STIM1: variants seen among roughly 807,000 people sequenced by gnomAD.
STIM1 encodes the protein stromal interaction molecule 1.
A neutral mutation model predicts 74.7 loss-of-function variants in STIM1; 25 were observed. The observed-to-expected ratio is 0.33, with a 90% confidence interval of 0.24 to 0.47. The LOEUF is 0.47. Ranked by LOEUF, STIM1 falls within the 20% of genes least tolerant of loss-of-function variation. STIM1 has a pLI of 1.00. For synonymous variants in STIM1, 328 were observed against 348.8 expected, an observed-to-expected ratio of 0.94 and a Z score of 0.66; for missense variants, 728 against 920.8, an observed-to-expected ratio of 0.79 and a Z score of 2.71.
In STIM1 at chr11:4,082,162, TCA is replaced by T; in HGVS notation, c.970-19_970-18del. 6.2e-7 allele frequency: 1 copy of T among 1,613,896 alleles called. No homozygotes were observed. Among genetic ancestry groups the T allele is most frequent in the Non-Finnish European group, 8.5e-7 (1 of 1,179,908 alleles). ...AGAGTCTTAGTAGCAGTAAATGAAC[TCA>T]CATCCTTTTGGCTGCCTAGGTTCGG... is the stretch of plus-strand genomic sequence containing the variant. On this transcript the variant is annotated intron_variant, in intron 7 of 12. Transcript: ENST00000526596.
At chr11:4,032,019 T>C (rs2094054681) in intron 3 of STIM1, among the ~76,000 whole-genome samples, 1 of 152,260 alleles carries the variant, frequency 6.6e-6, no homozygotes, top group African/African-American at 2.4e-5. Context: ...TACATTTAGG[T>C]CTATAATTCA....
At chr11:3,921,076 G>A (rs561719566) in intron 1 of STIM1, among the ~76,000 whole-genome samples, 10 of 152,234 alleles carry the variant, frequency 6.6e-5, no homozygotes, top group African/African-American at 2.2e-4. Flanking sequence ...GATTACAGAC[G>A]TGAGCCACTG....
At chr11:4,066,792 A>G (rs916268125) in intron 5 of STIM1, among the ~76,000 whole-genome samples, 6 of 152,238 alleles carry the variant, frequency 3.9e-5, no homozygotes, top group Non-Finnish European at 8.8e-5. Context: ...AGGAGATGGA[A>G]TGGAAGGCTT....
intron 1 of STIM1, among the ~76,000 whole-genome samples, chr11:3,923,124 C>T (rs1211359876): frequency 6.6e-6 from 1 of 150,884 alleles, no homozygotes; most frequent in African/African-American, 2.4e-5. Flanking sequence ...AACAAACACT[C>T]TTTGCCTATT....
At chr11:3,969,288 T>C (rs1467221091) in intron 2 of STIM1, among the ~76,000 whole-genome samples, 1 of 151,238 alleles carries the variant, frequency 6.6e-6, no homozygotes, top group Non-Finnish European at 1.5e-5. Flanking sequence ...AATTTGAGAC[T>C]AGCCTGGACA....
At chr11:3,968,615 T>C (rs1189039316) in intron 2 of STIM1, among the ~76,000 whole-genome samples, 3 of 152,222 alleles carry the variant, frequency 2.0e-5, no homozygotes, top group Non-Finnish European at 4.4e-5. Flanking sequence ...CTATGTACCA[T>C]GCACTGTGCT....
Position 4,029,830 on chromosome 11 carries a change from G to A in STIM1, c.385+5843G>A, listed in dbSNP as rs2094033118. Among the ~76,000 whole-genome samples, 3 of 152,126 alleles carry A rather than the reference G, an allele frequency of 2.0e-5. No homozygotes were observed. In the South Asian group the frequency reaches 6.2e-4, roughly 32 times the overall value. On this transcript the variant is annotated intron_variant, in intron 3 of 12. Coordinates refer to ENST00000526596, the MANE Select transcript of STIM1 (RefSeq NM_001382567.1). ...CGTTTATTTCATTGTGTAATATTAGGAGTGTTTTGGTCTTTATTTGTAAGT... is the reference window on the plus strand; with the variant it reads ...CGTTTATTTCATTGTGTAATATTAGAAGTGTTTTGGTCTTTATTTGTAAGT...
At chr11:4,068,148 G>C (rs1411444246) in intron 5 of STIM1, among the ~76,000 whole-genome samples, 1 of 152,172 alleles carries the variant, frequency 6.6e-6, no homozygotes, top group Non-Finnish European at 1.5e-5. Context: ...GGGAGTGACT[G>C]TTAGATCTTA....
At chr11:3,954,857 A>C (rs1050574921) in intron 1 of STIM1, among the ~76,000 whole-genome samples, 1 of 152,240 alleles carries the variant, frequency 6.6e-6, no homozygotes, top group Admixed American at 6.5e-5. Context: ...TGAAATGTTA[A>C]ACATACTTTT....
intron 1 of STIM1, among the ~76,000 whole-genome samples, chr11:3,964,335 G>T (rs2093319387): frequency 6.6e-6 from 1 of 152,218 alleles, no homozygotes; most frequent in South Asian, 2.1e-4. Flanking sequence ...ATGCTTGGTT[G>T]AAGGAATTAT....
chr11:4,077,443 CAAAGTT>C (rs1395203735), intron 7 of STIM1, among the ~76,000 whole-genome samples: 5 of 151,896 alleles, frequency 3.3e-5, no homozygotes, highest in Admixed American at 6.6e-5. Context: ...ATTTTATAAT[CAAAGTT>C]AGAGATTTTA....
intron 3 of STIM1, among the ~76,000 whole-genome samples, chr11:4,037,646 C>A (rs1404478643): frequency 1.3e-5 from 2 of 151,980 alleles, no homozygotes; most frequent in Non-Finnish European, 2.9e-5. Flanking sequence ...TACATTTAAT[C>A]TATTTGTATT....
At chr11:4,069,805 G>C (rs929585106) in intron 5 of STIM1, among the ~76,000 whole-genome samples, 1 of 152,200 alleles carries the variant, frequency 6.6e-6, no homozygotes, top group Non-Finnish European at 1.5e-5. Flanking sequence ...TTGCTGTAAG[G>C]CCTCTCATTT....
intron 1 of STIM1, among the ~76,000 whole-genome samples, chr11:3,861,374 C>G (rs1373175382): frequency 6.6e-6 from 1 of 151,974 alleles, no homozygotes; most frequent in Non-Finnish European, 1.5e-5. Flanking sequence ...GCTGGGACTA[C>G]AGGCATCCGC....
intron 2 of STIM1, among the ~76,000 whole-genome samples, chr11:4,009,535 C>T (rs111963074): frequency 2.0e-5 from 3 of 151,258 alleles, no homozygotes; most frequent in African/African-American, 7.3e-5. Context: ...TTGAACCCGG[C>T]GGGCAGAGGT....
intron 3 of STIM1, among the ~76,000 whole-genome samples, chr11:4,053,371 C>G (rs1400915074): frequency 1.3e-5 from 2 of 152,154 alleles, no homozygotes; most frequent in Non-Finnish European, 2.9e-5. Flanking sequence ...GAAGATGTGG[C>G]ACATATACAC....
At chr11:3,893,840 A>T (rs895275976) in intron 1 of STIM1, among the ~76,000 whole-genome samples, 1 of 152,108 alleles carries the variant, frequency 6.6e-6, no homozygotes, top group African/African-American at 2.4e-5. Context: ...TATTTTTTGT[A>T]GAGATGGGGT....
chr11:3,972,370 C>T (rs182083200), intron 2 of STIM1, among the ~76,000 whole-genome samples: 18 of 152,304 alleles, frequency 1.2e-4, no homozygotes, highest in Admixed American at 1.0e-3. Flanking sequence ...TGCACTATTA[C>T]CCCAGTACCT....
intron 1 of STIM1, among the ~76,000 whole-genome samples, chr11:3,876,153 T>A (rs1441611760): frequency 6.6e-6 from 1 of 152,210 alleles, no homozygotes; most frequent in African/African-American, 2.4e-5. Context: ...AGATAATGTA[T>A]GTGAAAGTCT....
Sources: gnomAD v4.1 joint callset for allele counts (sites outside exome capture counted in the v4.1 genomes callset) on GRCh38, gnomAD v4.1.1 for gene constraint, MANE v1.5 for transcripts, NCBI Gene and HGNC (gene_info 2026-07-23, HGNC 2026-07-21) for gene names.